The following SLC25A21 variants were observed in gnomAD, a reference collection of about 807,000 sequenced individuals.
SLC25A21 encodes the protein mitochondrial 2-oxodicarboxylate carrier.
In SLC25A21, 47 loss-of-function variants were observed where a neutral mutation model predicts 43.8. That is an observed-to-expected ratio of 1.07 (90% CI 0.85 to 1.37). SLC25A21 has a LOEUF of 1.37. Among genes scored for constraint, SLC25A21 ranks in the 40% most tolerant of loss-of-function variants. The pLI is 0.00. For missense variants in SLC25A21, 352 were observed against 350.2 expected (o/e 1.00, Z -0.04); for synonymous variants, 131 against 121.3 (o/e 1.08, Z -0.52).
intron 3 of SLC25A21, among the ~76,000 whole-genome samples, chr14:36,808,389 G>T (rs944450473): frequency 3.3e-5 from 5 of 152,156 alleles, no homozygotes; most frequent in Non-Finnish European, 5.9e-5. Context: ...TGCTGCCTCA[G>T]AATCACCAAG....
At chr14:36,740,889 C>G (rs541414918) in intron 3 of SLC25A21, among the ~76,000 whole-genome samples, 1 of 152,132 alleles carries the variant, frequency 6.6e-6, no homozygotes, top group African/African-American at 2.4e-5. Flanking sequence ...AGAGACCAGT[C>G]AGCCAGACAG....
At chr14:37,010,564 C>T (rs982229122) in intron 1 of SLC25A21, among the ~76,000 whole-genome samples, 2 of 152,074 alleles carry the variant, frequency 1.3e-5, no homozygotes, top group African/African-American at 4.8e-5. Flanking sequence ...GCTCAGGAGG[C>T]TTTGGAGAGA....
intron 1 of SLC25A21, among the ~76,000 whole-genome samples, chr14:37,086,252 TA>T (rs1962484884): frequency 6.6e-6 from 1 of 152,174 alleles, no homozygotes; most frequent in Non-Finnish European, 1.5e-5. Flanking sequence ...GGTTCAATAT[TA>T]CAACTGTTTG....
chr14:37,004,361 T>C (rs1960551189), intron 1 of SLC25A21, among the ~76,000 whole-genome samples: 1 of 152,210 alleles, frequency 6.6e-6, no homozygotes, highest in Non-Finnish European at 1.5e-5. Flanking sequence ...ATGTCAAGAA[T>C]GTTTTATCTA....
At chr14:36,930,720 C>G (rs1892264256) in intron 1 of SLC25A21, among the ~76,000 whole-genome samples, 2 of 152,124 alleles carry the variant, frequency 1.3e-5, no homozygotes, top group South Asian at 2.1e-4. Context: ...ATGGCCCTCA[C>G]TAACTGTTAC....
chr14:36,755,574 C>T (rs535109600), intron 3 of SLC25A21, among the ~76,000 whole-genome samples: 2 of 152,252 alleles, frequency 1.3e-5, no homozygotes, highest in South Asian at 4.1e-4. Context: ...ATGGTAATAT[C>T]AAATTGCTTT....
chr14:36,768,922 T>C (rs1252043211), intron 3 of SLC25A21, among the ~76,000 whole-genome samples: 1 of 138,516 alleles, frequency 7.2e-6, no homozygotes, highest in African/African-American at 2.9e-5. Context: ...AAGTGAGACC[T>C]CTGTCTCTAC....
chr14:36,982,166 C>T (rs990235982), intron 1 of SLC25A21, among the ~76,000 whole-genome samples: 49 of 152,162 alleles, frequency 3.2e-4, no homozygotes, highest in Non-Finnish European at 1.3e-4. Flanking sequence ...AATTATAGAA[C>T]AGATTTCAGA....
chr14:37,129,023 T>C (rs1197702545), intron 1 of SLC25A21, among the ~76,000 whole-genome samples: 1 of 152,156 alleles, frequency 6.6e-6, no homozygotes, highest in Non-Finnish European at 1.5e-5. Context: ...CCTCAATTCC[T>C]CAGCCACATT....
At chr14:36,760,648 A>G (rs751169427) in intron 3 of SLC25A21, among the ~76,000 whole-genome samples, 7 of 152,204 alleles carry the variant, frequency 4.6e-5, no homozygotes, top group Non-Finnish European at 5.9e-5. Flanking sequence ...TTAGTCAGAG[A>G]TATAGGAGAG....
chr14:36,980,911 G>A (rs1006664304), intron 1 of SLC25A21, among the ~76,000 whole-genome samples: 16 of 152,162 alleles, frequency 1.1e-4, no homozygotes, highest in Admixed American at 8.5e-4. Context: ...GCAACCTACA[G>A]AATGGGAGAA....
intron 1 of SLC25A21, among the ~76,000 whole-genome samples, chr14:37,095,743 T>C (rs1962676662): frequency 6.6e-6 from 1 of 151,784 alleles, no homozygotes; most frequent in African/African-American, 2.4e-5. Context: ...ATAAAAAAGT[T>C]AGCCAAGTGA....
intron 7 of SLC25A21, among the ~76,000 whole-genome samples, chr14:36,696,286 G>C (rs1247467918): frequency 6.6e-6 from 1 of 152,186 alleles, no homozygotes; most frequent in East Asian, 1.9e-4. Context: ...TAAACTTTTT[G>C]ATGTGCTGCT....
intron 7 of SLC25A21, among the ~76,000 whole-genome samples, chr14:36,706,139 T>C (rs1048445850): frequency 6.6e-6 from 1 of 152,204 alleles, no homozygotes; most frequent in Non-Finnish European, 1.5e-5. Flanking sequence ...CCAGTGTTCA[T>C]TTAAGTACAC....
In SLC25A21 at chr14:36,679,512, A is replaced by T; in HGVS notation, c.*1146T>A. On this transcript the variant is annotated 3_prime_UTR_variant, in exon 10 of 10. Coordinates refer to ENST00000331299, the MANE Select transcript of SLC25A21 (RefSeq NM_030631.4). ...CTGAATCAGCATCATCTCTGGATGC[A>T]GATATAAAATCAAGTTTGGTTACAT... 1 of 985,388 alleles carries T rather than the reference A, an allele frequency of 1.0e-6. No homozygotes were observed. The highest frequency in any genetic ancestry group is 4.7e-5 in the South Asian group (1 of 21,288). 61.0% of individuals were successfully genotyped at this position (985,388 alleles called of 1,614,324 possible).
chr14:36,902,956 G>C (rs1401874912), intron 1 of SLC25A21, among the ~76,000 whole-genome samples: 1 of 152,136 alleles, frequency 6.6e-6, no homozygotes, highest in African/African-American at 2.4e-5. Context: ...CTGTACTCCA[G>C]CTTGGGCAAA....
At chr14:37,034,349 C>T (rs1961282168) in intron 1 of SLC25A21, among the ~76,000 whole-genome samples, 1 of 152,058 alleles carries the variant, frequency 6.6e-6, no homozygotes, top group East Asian at 1.9e-4. Context: ...AGAATAAACC[C>T]ACTATAAAGG....
At chr14:36,899,846 T>C (rs962601711) in intron 1 of SLC25A21, among the ~76,000 whole-genome samples, 2 of 152,198 alleles carry the variant, frequency 1.3e-5, no homozygotes, top group African/African-American at 4.8e-5. Context: ...AAATGGTGTT[T>C]TCTGGGGTGA....
intron 3 of SLC25A21, among the ~76,000 whole-genome samples, chr14:36,760,331 A>AAAAG (rs1886096467): frequency 7.3e-6 from 1 of 136,654 alleles, no homozygotes; most frequent in African/African-American, 2.8e-5. Flanking sequence ...GCAGCTAGGC[A>AAAAG]GAAGGAAGGA....
Sources: allele counts gnomAD v4.1 joint callset (sites outside exome capture counted in the v4.1 genomes callset), GRCh38; gene constraint gnomAD v4.1.1; transcripts MANE v1.5; gene names NCBI Gene and HGNC (gene_info 2026-07-23, HGNC 2026-07-21).